NEK1: variants seen among roughly 807,000 people sequenced by gnomAD.
NEK1 encodes NIMA related kinase 1, also known as serine/threonine-protein kinase Nek1.
Under a neutral mutation model 182.1 loss-of-function variants are expected in NEK1, and 137 were observed. The ratio of observed to expected loss-of-function variants is 0.75; its 90% CI spans 0.65 to 0.87. NEK1 has a LOEUF of 0.87. NEK1 is among the 40% of genes least tolerant of loss of function. The pLI is 0.00. For synonymous variants in NEK1, 513 were observed against 492.2 expected, an observed-to-expected ratio of 1.04 and a Z score of -0.56; for missense variants, 1,391 against 1,494.4, an observed-to-expected ratio of 0.93 and a Z score of 1.14.
intron 23 of NEK1, among the ~76,000 whole-genome samples, chr4:169,480,971 T>C (rs186036888): frequency 6.6e-6 from 1 of 152,358 alleles, no homozygotes; most frequent in African/African-American, 2.4e-5. Context: ...CAAACCCTGC[T>C]GTTGCTTTAT....
At position 169,561,557 on chromosome 4, in the gene NEK1, T is replaced by G. The variant is rs748368505; in HGVS notation, c.1192-3A>C. On this transcript the variant is annotated splice_region_variant and splice_polypyrimidine_tract_variant and intron_variant, in intron 15 of 35. Coordinates refer to ENST00000507142, the MANE Select transcript of NEK1 (RefSeq NM_001199397.3). The stretch of plus-strand genomic sequence containing the variant: ...CTGGCCCTATTTATTCTTTCCAACT[T>G]TGGGGAAAAGAAATAAACAAAACAC... 1 of 1,612,866 alleles carries G rather than the reference T, an allele frequency of 6.2e-7. No individual in the cohort carries two copies. The highest frequency in any genetic ancestry group is 1.1e-5 in the South Asian group (1 of 90,830).
intron 12 of NEK1, among the ~76,000 whole-genome samples, chr4:169,575,348 GT>G (rs1277894137): frequency 1.3e-5 from 2 of 152,210 alleles, no homozygotes; most frequent in Non-Finnish European, 2.9e-5. Context: ...ATTAAGCTTT[GT>G]CAGTAAAACT....
intron 19 of NEK1, among the ~76,000 whole-genome samples, chr4:169,509,096 T>TA (rs1177681168): frequency 2.0e-5 from 3 of 152,192 alleles, no homozygotes; most frequent in Admixed American, 6.5e-5. Flanking sequence ...ATCTTTGTGT[T>TA]AGTCACTTAA....
In NEK1 at chr4:169,424,673, C is replaced by A. The variant is rs1736063242; in HGVS notation, c.3102G>T (p.Gln1034His). ...ATGCAAAGGATTCTTCTGGTGAACA[C>A]TGAACTGATTGAACTTGAGGGACTA... is the stretch of plus-strand genomic sequence containing the variant. ...LNLVPQVQSVQCSPEESFAFR... is the reference protein window; with the variant it reads ...LNLVPQVQSVHCSPEESFAFR... Residue 1034 changes from glutamine to histidine, a missense_variant, in exon 31 of 36, where the codon CAG (glutamine) becomes CAT (histidine). Physicochemically the swap from Gln to His is conservative, Grantham distance 24. Around this residue, in one of 5 missense-constraint regions of NEK1, gnomAD observed 1,216 missense variants for 1,277.6 expected, o/e 0.95. Transcript: ENST00000507142. The A allele has an allele frequency of 1.9e-6, 3 of 1,613,862 alleles. No individual in the cohort carries two copies. The highest frequency in any genetic ancestry group is 2.5e-6 in the Non-Finnish European group (3 of 1,179,838).
At chr4:169,431,006 T>A (rs1483844695) in intron 29 of NEK1, among the ~76,000 whole-genome samples, 3 of 151,722 alleles carry the variant, frequency 2.0e-5, no homozygotes, top group East Asian at 3.9e-4. Context: ...AAAATAAAAA[T>A]GACAACAAAA....
chr4:169,489,688 A>G (rs28570980), intron 23 of NEK1, among the ~76,000 whole-genome samples: 44,308 of 151,952 alleles, frequency 0.29, 9,049 homozygotes, highest in African/African-American at 0.59. Flanking sequence ...AGTTGCCACT[A>G]TGCCCTACTG....
Position 169,612,372 on chromosome 4 carries a change from GT to G in NEK1, c.-324del, listed in dbSNP as rs1772458889. ...GGGGTGCAGCAGGGGGAGTGCCTCC[GT>G]TACCGCCTCTCCAACTTCACAGAGG... On this transcript the variant is annotated 5_prime_UTR_variant, in exon 1 of 36. Coordinates refer to ENST00000507142, the MANE Select transcript of NEK1 (RefSeq NM_001199397.3). 1.3e-5 allele frequency: 2 copies of G among 152,168 alleles called. No homozygotes were observed. The highest frequency in any genetic ancestry group is 2.9e-5 in the Non-Finnish European group (2 of 68,068). 9.4% of individuals were successfully genotyped at this position (152,168 alleles called of 1,614,324 possible). A position where few individuals can be genotyped will look rare whatever the true frequency, so the allele number is the denominator to read the frequency against.
intron 35 of NEK1, among the ~76,000 whole-genome samples, chr4:169,397,135 G>A (rs1730861527): frequency 6.6e-6 from 1 of 151,952 alleles, no homozygotes. Context: ...GAAGTGGGAG[G>A]ACTGCTTGAG....
chr4:169,561,528 T>C lies in NEK1; in HGVS notation c.1218A>G (p.Glu406=), dbSNP rs1160955339. The C allele has an allele frequency of 6.2e-7, 1 of 1,613,564 alleles. No homozygotes were observed. Among genetic ancestry groups the C allele is most frequent in the Non-Finnish European group, 8.5e-7 (1 of 1,179,644 alleles). The change falls in exon 16 of 36, where the codon GAA becomes GAG. Residue 406 remains glutamate (E), a synonymous_variant. Coordinates refer to ENST00000507142, the MANE Select transcript of NEK1 (RefSeq NM_001199397.3). ...ERLERINRAR[E]QGWRNVLSAG... ...CACTTAGCACATTTCTCCATCCTTG[T>C]TCCCTGGCCCTATTTATTCTTTCCA... is the stretch of plus-strand genomic sequence containing the variant.
intron 28 of NEK1, among the ~76,000 whole-genome samples, chr4:169,434,202 G>GTTTT (rs70964203): frequency 1.7e-4 from 14 of 81,878 alleles, no homozygotes; most frequent in African/African-American, 5.4e-4. Context: ...CACTCAAATA[G>GTTTT]TTTTTTTTTT....
chr4:169,400,701 T>G (rs1245611335), intron 33 of NEK1, 50 bp from the exon 34 acceptor site: 3 of 1,404,124 alleles, frequency 2.1e-6, no homozygotes, highest in Non-Finnish European at 2.9e-6. Context: ...ACTGAATAAC[T>G]CATACCCTAA....
At chr4:169,435,684 G>A (rs1190817660) in intron 28 of NEK1, among the ~76,000 whole-genome samples, 1 of 152,126 alleles carries the variant, frequency 6.6e-6, no homozygotes. Flanking sequence ...CATGAAAATA[G>A]TTTATTCTTA....
intron 4 of NEK1, 118 bp downstream of exon 4, chr4:169,601,890 T>C (rs182746355): frequency 1.4e-6 from 1 of 707,764 alleles, no homozygotes; most frequent in Non-Finnish European, 2.4e-6. Flanking sequence ...TGAATCAAGC[T>C]GATATTCATA....
intron 23 of NEK1, among the ~76,000 whole-genome samples, chr4:169,500,980 A>G (rs1333057421): frequency 6.6e-6 from 1 of 152,232 alleles, no homozygotes; most frequent in Non-Finnish European, 1.5e-5. Flanking sequence ...TGAAAAAACA[A>G]GACCCAACCA....
intron 12 of NEK1, among the ~76,000 whole-genome samples, chr4:169,575,824 T>C (rs1216559868): frequency 6.6e-6 from 1 of 152,196 alleles, no homozygotes; most frequent in African/African-American, 2.4e-5. Context: ...TTAGGGTTTC[T>C]TTAAAAATTT....
chr4:169,571,873 C>T (rs1764913177), intron 12 of NEK1, among the ~76,000 whole-genome samples: 1 of 150,228 alleles, frequency 6.7e-6, no homozygotes, highest in African/African-American at 2.5e-5. Flanking sequence ...GGATTATAGG[C>T]ACACACCACC....
At chr4:169,543,994 G>C (rs538502801) in intron 18 of NEK1, among the ~76,000 whole-genome samples, 1 of 152,200 alleles carries the variant, frequency 6.6e-6, no homozygotes, top group African/African-American at 2.4e-5. Context: ...TTGCCTGATT[G>C]CCCTGGCCAG....
At chr4:169,603,776 G>T (rs1338845510) in intron 2 of NEK1, among the ~76,000 whole-genome samples, 1 of 148,676 alleles carries the variant, frequency 6.7e-6, no homozygotes, top group Non-Finnish European at 1.5e-5. Flanking sequence ...CACGATCTCG[G>T]CTCACTGCAA....
At chr4:169,610,016 CTT>C (rs538596187) in intron 2 of NEK1, among the ~76,000 whole-genome samples, 2 of 135,290 alleles carry the variant, frequency 1.5e-5, no homozygotes, top group Non-Finnish European at 3.2e-5. Context: ...CTAAGAATTT[CTT>C]TTTTTTTTTT....
Sources: gnomAD v4.1 joint callset for allele counts (sites outside exome capture counted in the v4.1 genomes callset) on GRCh38, gnomAD v4.1.1 for gene constraint, gnomAD v4.1.1 regional missense constraint, MANE v1.5 for transcripts, NCBI Gene and HGNC (gene_info 2026-07-23, HGNC 2026-07-21) for gene names.